The following MIA3 variants were observed in gnomAD, a reference collection of about 807,000 sequenced individuals.
MIA3 encodes transport and Golgi organization protein 1 homolog.
Under a neutral mutation model 192.4 loss-of-function variants are expected in MIA3, and 90 were observed. The observed-to-expected ratio is 0.47, with a 90% CI of 0.39 to 0.56. The LOEUF is 0.56. MIA3 is among the 20% of genes least tolerant of loss of function. MIA3 has a pLI of 0.00. For synonymous variants in MIA3, 740 were observed against 792.8 expected, an observed-to-expected ratio of 0.93 and a Z score of 1.12; for missense variants, 2,123 against 2,269.4, an observed-to-expected ratio of 0.94 and a Z score of 1.31.
At chr1:222,635,555 C>T (rs1025814608) in intron 6 of MIA3, among the ~76,000 whole-genome samples, 17 of 151,838 alleles carry the variant, frequency 1.1e-4, no homozygotes, top group Admixed American at 1.0e-3. Flanking sequence ...TGAAAGTCTT[C>T]AAAAAAAGTT....
At chr1:222,630,429 C>G in intron 4 of MIA3, 40 bp downstream of exon 4, 2 of 1,539,946 alleles carry the variant, frequency 1.3e-6, no homozygotes, top group Non-Finnish European at 1.7e-6. Context: ...GCTGGAGAAG[C>G]AGGTGGGTGG....
Position 222,629,223 on chromosome 1 carries a change from G to C in MIA3, c.2003G>C (p.Ser668Thr). The change falls in exon 4 of 28, where the codon AGT (serine) becomes ACT (threonine). Residue 668 changes from serine to threonine, a missense_variant. Ser to Thr is a moderately conservative substitution (Grantham distance 58, BLOSUM62 1). This residue lies in a region of MIA3 where 1,357 missense variants were observed against 1,396.1 expected (regional missense o/e 0.97). Coordinates refer to ENST00000344922, the MANE Select transcript of MIA3 (RefSeq NM_198551.4). Reference protein sequence around the residue: ...QQERDVAATASKQMSEKIRLS... With the variant: ...QQERDVAATATKQMSEKIRLS... ...GAAAGAGATGTGGCTGCCACAGCCAGTAAGCAAATGAGTGAGAAGATAAGG... is the reference window on the plus strand; with the variant it reads ...GAAAGAGATGTGGCTGCCACAGCCACTAAGCAAATGAGTGAGAAGATAAGG... The C allele has an allele frequency of 6.2e-7, 1 of 1,614,228 alleles. No individual in the cohort carries two copies. Among genetic ancestry groups the C allele is most frequent in the Non-Finnish European group, 8.5e-7 (1 of 1,180,042 alleles).
intron 11 of MIA3, 90 bp downstream of exon 11, chr1:222,650,993 T>C (rs775205085): frequency 4.4e-5 from 34 of 767,410 alleles, no homozygotes; most frequent in Non-Finnish European, 7.2e-5. Flanking sequence ...CATGCTGTTA[T>C]GTGAAGTAAG....
chr1:222,665,385 C>T lies in MIA3; in HGVS notation c.5490C>T (p.Leu1830=), dbSNP rs370120769. 8.7e-6 allele frequency: 14 copies of T among 1,614,044 alleles called. No individual in the cohort carries two copies. In the African/African-American group the frequency reaches 1.2e-4, roughly 14 times the overall value. ...CACCAGGAAGACGGGACCTGCCTCT[C>T]CACCCTCGGGGATTTTTACCTGGAC... ...GVPPGRRDLP[L]HPRGFLPGHA... is the part of the protein sequence containing the mutation. Residue 1830 remains leucine (L), a synonymous_variant, in exon 28 of 28, where the codon CTC becomes CTT. Coordinates refer to ENST00000344922, the MANE Select transcript of MIA3 (RefSeq NM_198551.4).
intron 6 of MIA3, among the ~76,000 whole-genome samples, chr1:222,638,321 A>G (rs1662717943): frequency 1.3e-5 from 2 of 152,320 alleles, no homozygotes; most frequent in East Asian, 1.9e-4. Flanking sequence ...AAAATCCCCA[A>G]ATATTTGGAA....
At chr1:222,642,341 T>C (rs903247499) in intron 6 of MIA3, among the ~76,000 whole-genome samples, 1 of 152,180 alleles carries the variant, frequency 6.6e-6, no homozygotes, top group Non-Finnish European at 1.5e-5. Flanking sequence ...TAGTCTCTAC[T>C]TTTCTCTACC....
In MIA3 at chr1:222,654,252, A is replaced by G; in HGVS notation, c.4331A>G (p.Asn1444Ser). Residue 1444 changes from asparagine (N) to serine (S), a missense_variant, in exon 16 of 28, where the codon AAT (asparagine) becomes AGT (serine). Transcript: ENST00000344922. ...GCCTTTTGTTTTTTAGGTGACCGGA[A>G]TGAGAAGATGAAAAATCAAATTAAG... ...LANGEVGGDR[N>S]EKMKNQIKQM... 1 of 1,613,986 alleles carries G rather than the reference A, an allele frequency of 6.2e-7. No individual in the cohort carries two copies.
At chr1:222,639,755 T>C (rs1053837840) in intron 6 of MIA3, among the ~76,000 whole-genome samples, 3 of 152,196 alleles carry the variant, frequency 2.0e-5, no homozygotes, top group Admixed American at 1.3e-4. Context: ...AAATCACTTT[T>C]ATGAAAGACT....
In MIA3 at chr1:222,645,613, G is replaced by A; in HGVS notation, c.3537G>A (p.Trp1179Ter). 6.2e-7 allele frequency: 1 copy of A among 1,613,834 alleles called. No individual in the cohort carries two copies. The highest frequency in any genetic ancestry group is 8.5e-7 in the Non-Finnish European group (1 of 1,179,842). The change falls in exon 7 of 28, where the codon TGG (tryptophan) becomes TGA (stop). Residue 1179 changes from tryptophan to a stop codon, truncating the protein, a stop_gained. Coordinates refer to ENST00000344922, the MANE Select transcript of MIA3 (RefSeq NM_198551.4). LOFTEE classifies it high-confidence loss of function. Reference protein sequence around the residue: ...QPGPDFYGLPWKPVFITAFLG... With the variant: ...QPGPDFYGLP Reference sequence around the variant, plus strand: ...GGCCTGATTTTTATGGACTGCCATGGAAACCTGTATTTATCACTGCCTTCT... The same window carrying A: ...GGCCTGATTTTTATGGACTGCCATGAAAACCTGTATTTATCACTGCCTTCT...
At chr1:222,632,112 T>C in intron 4 of MIA3, 53 bp from the exon 5 acceptor site, 2 of 1,569,366 alleles carry the variant, frequency 1.3e-6, no homozygotes, top group Admixed American at 1.7e-5. Flanking sequence ...GGGATTAGCC[T>C]AACAGGTAGT....
At position 222,633,064 on chromosome 1, in the gene MIA3, T is replaced by C. The variant is rs201019661; in HGVS notation, c.3332-40T>C. The C allele has an allele frequency of 1.8e-5, 28 of 1,554,636 alleles. No homozygotes were observed. The East Asian group carries it at 6.3e-4, about 35-fold the overall frequency. ...AAGTATTTTTTAAAGAGAATTCTTATTCTAAAGCACAAAATGTCTATCTTT... is the reference window on the plus strand; with the variant it reads ...AAGTATTTTTTAAAGAGAATTCTTACTCTAAAGCACAAAATGTCTATCTTT... On this transcript the variant is annotated intron_variant, in intron 5 of 27. Coordinates refer to ENST00000344922, the MANE Select transcript of MIA3 (RefSeq NM_198551.4).
At position 222,665,434 on chromosome 1, in the gene MIA3, T is replaced by C. The variant is rs1208572890; in HGVS notation, c.5539T>C (p.Ser1847Pro). 1 of 1,613,962 alleles carries C rather than the reference T, an allele frequency of 6.2e-7. No homozygotes were observed. The highest frequency in any genetic ancestry group is 8.5e-7 in the Non-Finnish European group (1 of 1,179,978). ...PGHAPFRPLG[S>P]LGPREYFIPG... ...ACACGCACCATTTAGACCTTTAGGT[T>C]CACTTGGCCCAAGAGAGTACTTTAT... The change falls in exon 28 of 28, where the codon TCA becomes CCA. Residue 1847 changes from serine to proline, a missense_variant. This residue lies in a region of MIA3 where 762 missense variants were observed against 856.4 expected (regional missense o/e 0.89). Coordinates refer to ENST00000344922, the MANE Select transcript of MIA3 (RefSeq NM_198551.4).
rs558132831 is a variant in MIA3 at position 222,628,786 on chromosome 1, T to C, written c.1566T>C (p.Asp522=). Residue 522 remains aspartate (D), a synonymous_variant, in exon 4 of 28, where the codon GAT becomes GAC. Coordinates refer to ENST00000344922, the MANE Select transcript of MIA3 (RefSeq NM_198551.4). ...KGKDTLKSAY[D]DTENDLKGAA... is the part of the protein sequence containing the mutation. ...AAGACACATTAAAATCAGCTTATGA[T>C]GATACAGAAAATGACCTAAAAGGAG... 1.2e-6 allele frequency: 2 copies of C among 1,614,096 alleles called. No individual in the cohort carries two copies. The highest frequency in any genetic ancestry group is 1.7e-6 in the Non-Finnish European group (2 of 1,180,030).
rs1006293433 is a variant in MIA3, at chr1:222,667,116, T to C, written c.*1497T>C. 1 of 152,176 alleles carries C rather than the reference T, an allele frequency of 6.6e-6. No homozygotes were observed. Among genetic ancestry groups the C allele is most frequent in the African/African-American group, 2.4e-5 (1 of 41,446 alleles). 9.4% of individuals were successfully genotyped at this position (152,176 alleles called of 1,614,324 possible). On this transcript the variant is annotated 3_prime_UTR_variant, in exon 28 of 28. Transcript: ENST00000344922. Reference sequence around the variant, plus strand: ...GAGCAAAAGCTTCAATGTGAAACAATTTTCTCTCTTTATACTAAACAACTG... The same window carrying C: ...GAGCAAAAGCTTCAATGTGAAACAACTTTCTCTCTTTATACTAAACAACTG...
chr1:222,659,268 G>A, intron 19 of MIA3, 185 bp from the exon 20 acceptor site: 1 of 581,194 alleles, frequency 1.7e-6, no homozygotes, highest in Non-Finnish European at 3.1e-6. Context: ...GCTGTTAAAG[G>A]AAATTATGTA....
chr1:222,644,637 A>T, intron 6 of MIA3: 1 of 1,541,902 alleles, frequency 6.5e-7, no homozygotes, highest in Non-Finnish European at 8.8e-7. Flanking sequence ...AGGCGGGTGG[A>T]TGAGTTCTAA....
chr1:222,623,349 A>G (rs1332189993), intron 2 of MIA3, among the ~76,000 whole-genome samples: 1 of 151,746 alleles, frequency 6.6e-6, no homozygotes, highest in Non-Finnish European at 1.5e-5. Flanking sequence ...AAGATTAAGG[A>G]AGGTAAATGT....
chr1:222,630,054 T>C lies in MIA3; in HGVS notation c.2834T>C (p.Val945Ala), dbSNP rs199554047. The C allele has an allele frequency of 6.2e-7, 1 of 1,614,032 alleles. No individual in the cohort carries two copies. Among genetic ancestry groups the C allele is most frequent in the Non-Finnish European group, 8.5e-7 (1 of 1,180,036 alleles). ...CAGCGGTTCCAGAAGTACTTTAATG[T>C]CCATGAGCTGGAAGCCTTGCTACAA... is the stretch of plus-strand genomic sequence containing the variant. ...SLQRFQKYFN[V>A]HELEALLQEM... The change falls in exon 4 of 28, where the codon GTC becomes GCC. Residue 945 changes from valine to alanine, a missense_variant. Physicochemically the swap from Val to Ala is moderately conservative, Grantham distance 64 (BLOSUM62 0). Transcript: ENST00000344922.
chr1:222,645,513 T>A, intron 6 of MIA3, 41 bp from the exon 7 acceptor site: 1 of 1,543,662 alleles, frequency 6.5e-7, no homozygotes, highest in Admixed American at 2.0e-5. Context: ...TAAGCTTCTT[T>A]AAGGTTTCTC....
Sources: gnomAD v4.1 joint callset for allele counts (sites outside exome capture counted in the v4.1 genomes callset) on GRCh38, gnomAD v4.1.1 for gene constraint, gnomAD v4.1.1 regional missense constraint, MANE v1.5 for transcripts, NCBI Gene and HGNC (gene_info 2026-07-23, HGNC 2026-07-21) for gene names.